SUSD1: variants seen among roughly 807,000 people sequenced by gnomAD.
SUSD1 encodes sushi domain-containing protein 1.
In SUSD1, 65 loss-of-function variants were observed where a neutral mutation model predicts 86.9. The ratio of observed to expected loss-of-function variants is 0.75; its 90% CI spans 0.61 to 0.92. The LOEUF (loss-of-function observed/expected upper bound fraction) is 0.92. Ranked by LOEUF, SUSD1 falls within the 40% of genes least tolerant of loss-of-function variation. SUSD1 has a pLI of 0.00. For missense variants in SUSD1, 850 were observed against 929.7 expected, an observed-to-expected ratio of 0.91 and a Z score of 1.11; for synonymous variants, 346 against 350.0, an observed-to-expected ratio of 0.99 and a Z score of 0.13.
intron 1 of SUSD1, among the ~76,000 whole-genome samples, chr9:112,160,272 AGTG>A (rs1833508443): frequency 3.9e-5 from 6 of 152,198 alleles, no homozygotes; most frequent in African/African-American, 1.4e-4. Flanking sequence ...GGCTGGGCGG[AGTG>A]GCTCACGCCT....
intron 11 of SUSD1, 85 bp from the exon 12 acceptor site, chr9:112,078,809 C>CTTTT: frequency 3.6e-6 from 3 of 829,704 alleles, no homozygotes; most frequent in Non-Finnish European, 3.4e-6. Context: ...CTTTTTCTTT[C>CTTTT]TCTTTTTTTT....
Position 112,048,873 on chromosome 9 carries a change from G to A in SUSD1, c.2149+3526C>T, listed in dbSNP as rs1828069485. On this transcript the variant is annotated intron_variant, in intron 15 of 16. Coordinates refer to ENST00000374270, the MANE Select transcript of SUSD1 (RefSeq NM_022486.5). ...TGAGCAAGGACATTAAGAGGAGAAA[G>A]CATGGGCCATAGCCAGAAAACAGCT... Among the ~76,000 whole-genome samples the A allele has an allele frequency of 2.0e-5, 3 of 152,192 alleles. No individual in the cohort carries two copies. The South Asian group carries it at 6.2e-4, about 31-fold the overall frequency.
At chr9:112,119,855 T>C (rs1196483974) in intron 6 of SUSD1, among the ~76,000 whole-genome samples, 1 of 152,120 alleles carries the variant, frequency 6.6e-6, no homozygotes, top group Non-Finnish European at 1.5e-5. Flanking sequence ...TAAAAGCACA[T>C]ACGATTTGTG....
intron 6 of SUSD1, among the ~76,000 whole-genome samples, chr9:112,120,111 G>A (rs1307974064): frequency 6.6e-6 from 1 of 152,122 alleles, no homozygotes; most frequent in African/African-American, 2.4e-5. Context: ...AGACCGGCCT[G>A]GGCAACATAG....
At chr9:112,139,864 TA>T (rs1473514720) in intron 5 of SUSD1, among the ~76,000 whole-genome samples, 2 of 152,158 alleles carry the variant, frequency 1.3e-5, no homozygotes, top group African/African-American at 4.8e-5. Flanking sequence ...AAATGGTAAT[TA>T]AAAAAATTTT....
At chr9:112,143,664 GA>G in intron 3 of SUSD1, 41 bp from the exon 4 acceptor site, 1 of 1,476,472 alleles carries the variant, frequency 6.8e-7, no homozygotes, top group Admixed American at 2.4e-5. Context: ...GATAAAAACA[GA>G]AAAAAGAAAA....
intron 12 of SUSD1, among the ~76,000 whole-genome samples, chr9:112,067,417 G>A (rs934851679): frequency 9.9e-5 from 15 of 152,226 alleles, no homozygotes; most frequent in African/African-American, 3.4e-4. Context: ...ACATGCTTAA[G>A]CTGGTTGGAG....
chr9:112,078,378 A>G (rs985991238), intron 12 of SUSD1, among the ~76,000 whole-genome samples, 160 bp downstream of exon 12: 1 of 152,234 alleles, frequency 6.6e-6, no homozygotes, highest in African/African-American at 2.4e-5. Context: ...TAACAGTCAC[A>G]GAGGCGCCTT....
chr9:112,153,676 C>T (rs991438195), intron 2 of SUSD1, among the ~76,000 whole-genome samples: 18 of 149,006 alleles, frequency 1.2e-4, no homozygotes, highest in South Asian at 2.1e-4. Flanking sequence ...TGCAATGGCG[C>T]GATCTCGGCT....
At chr9:112,132,872 G>C (rs1832090631) in intron 5 of SUSD1, among the ~76,000 whole-genome samples, 1 of 152,182 alleles carries the variant, frequency 6.6e-6, no homozygotes, top group African/African-American at 2.4e-5. Flanking sequence ...TGTTGAGGTT[G>C]GCCCCTCATT....
Position 112,058,528 on chromosome 9 carries a change from G to T in SUSD1, c.2009C>A (p.Pro670His). 1 of 1,614,110 alleles carries T rather than the reference G, an allele frequency of 6.2e-7. No individual in the cohort carries two copies. The highest frequency in any genetic ancestry group is 8.5e-7 in the Non-Finnish European group (1 of 1,180,010). Residue 670 changes from proline (P) to histidine (H), a missense_variant, in exon 14 of 17, where the codon CCT becomes CAT. Pro to His is a moderately conservative substitution (Grantham distance 77). Transcript: ENST00000374270. ...KDVPDDAMEIPIGDRLYYGEY... is the reference protein window; with the variant it reads ...KDVPDDAMEIHIGDRLYYGEY... ...CCCATAGTACAGCCTGTCTCCTATAGGTATCTCCATGGCATCATCTGGAAC... is the reference window on the plus strand; with the variant it reads ...CCCATAGTACAGCCTGTCTCCTATATGTATCTCCATGGCATCATCTGGAAC...
intron 15 of SUSD1, among the ~76,000 whole-genome samples, chr9:112,043,370 C>G (rs1827824527): frequency 6.6e-6 from 1 of 152,132 alleles, no homozygotes; most frequent in African/African-American, 2.4e-5. Context: ...TCTTGTGGCC[C>G]CCAACCAGAA....
At chr9:112,078,483 T>C (rs1829618064) in intron 12 of SUSD1, 55 bp downstream of exon 12, 4 of 1,523,022 alleles carry the variant, frequency 2.6e-6, no homozygotes, top group Middle Eastern at 1.8e-4. Context: ...TATCAGGACC[T>C]ATGAACAATT....
At chr9:112,064,658 C>A (rs552702075) in intron 12 of SUSD1, among the ~76,000 whole-genome samples, 1 of 151,286 alleles carries the variant, frequency 6.6e-6, no homozygotes, top group South Asian at 2.1e-4. Flanking sequence ...GGCGGATCAC[C>A]GGAGGCCAGG....
chr9:112,060,553 TCCCAATGGG>T (rs1481729251), intron 13 of SUSD1, among the ~76,000 whole-genome samples: 2 of 152,240 alleles, frequency 1.3e-5, no homozygotes, highest in South Asian at 2.1e-4. Flanking sequence ...CACCTCTGCC[TCCCAATGGG>T]CTGGGATTAC....
At chr9:112,115,814 A>AAAAAAAAAAAAG (rs58660302) in intron 6 of SUSD1, among the ~76,000 whole-genome samples, 1,299 of 19,124 alleles carry the variant, frequency 0.068, 37 homozygotes, top group African/African-American at 0.27. Context: ...ATTGCAAAAA[A>AAAAAAAAAAAAG]AAAAAAAAAG....
chr9:112,043,921 CT>C (rs1827850491), intron 15 of SUSD1, among the ~76,000 whole-genome samples: 1 of 152,146 alleles, frequency 6.6e-6, no homozygotes, highest in African/African-American at 2.4e-5. Flanking sequence ...CTGCCCCAGT[CT>C]CCCTAGTAGC....
chr9:112,064,897 A>T (rs1189612061), intron 12 of SUSD1, among the ~76,000 whole-genome samples: 1 of 151,632 alleles, frequency 6.6e-6, no homozygotes, highest in Non-Finnish European at 1.5e-5. Context: ...AAAAAAAAGA[A>T]GCCTCAGACC....
At chr9:112,138,270 T>C (rs1233469463) in intron 5 of SUSD1, among the ~76,000 whole-genome samples, 4 of 131,148 alleles carry the variant, frequency 3.0e-5, no homozygotes, top group East Asian at 2.1e-4. Context: ...TATATACATA[T>C]ATATATATAT....
Sources: gnomAD v4.1 joint callset for allele counts (sites outside exome capture counted in the v4.1 genomes callset) on GRCh38, gnomAD v4.1.1 for gene constraint, MANE v1.5 for transcripts, NCBI Gene and HGNC (gene_info 2026-07-23, HGNC 2026-07-21) for gene names.